XKR9: variants seen among roughly 807,000 people sequenced by gnomAD.
XKR9 encodes XK related 9.
Under a neutral mutation model 32.0 loss-of-function variants are expected in XKR9, and 32 were observed. The ratio of observed to expected loss-of-function variants is 1.00; its 90% CI spans 0.76 to 1.34. XKR9 has a LOEUF of 1.34. Among genes scored for constraint, XKR9 ranks in the 40% most tolerant of loss-of-function variants. The pLI, the probability that XKR9 is intolerant of heterozygous loss-of-function variation, is 0.00. For synonymous variants in XKR9, 168 were observed against 143.4 expected (o/e 1.17, Z -1.22); for missense variants, 546 against 429.7 (o/e 1.27, Z -2.39).
the XKR9 span, among the ~76,000 whole-genome samples, chr8:70,876,931 GATA>G: frequency 6.6e-6 from 1 of 152,068 alleles, no homozygotes. Flanking sequence ...TGTAAAAAAT[GATA>G]ATAAACATAA....
chr8:71,027,941 A>C, the XKR9 span, among the ~76,000 whole-genome samples: 1 of 151,926 alleles, frequency 6.6e-6, no homozygotes, highest in Non-Finnish European at 1.5e-5. Context: ...AGCTAATTAA[A>C]AAAAATTTTT....
chr8:70,921,531 C>A, the XKR9 span, among the ~76,000 whole-genome samples: 3 of 152,092 alleles, frequency 2.0e-5, no homozygotes, highest in African/African-American at 7.2e-5. Flanking sequence ...ACTTAATATC[C>A]AGCTCATTTC....
chr8:70,817,307 T>C, the XKR9 span, among the ~76,000 whole-genome samples: 1 of 152,258 alleles, frequency 6.6e-6, no homozygotes, highest in African/African-American at 2.4e-5. Flanking sequence ...GCATAAAAAT[T>C]AGTAACATTT....
the XKR9 span, among the ~76,000 whole-genome samples, chr8:70,991,528 G>A: frequency 6.6e-6 from 1 of 152,174 alleles, no homozygotes; most frequent in Non-Finnish European, 1.5e-5. Flanking sequence ...GAAACCAGGT[G>A]TCTTGATTTA....
the XKR9 span, among the ~76,000 whole-genome samples, chr8:71,050,266 G>T: frequency 0.056 from 5,445 of 97,600 alleles, 189 homozygotes; most frequent in African/African-American, 0.11. Flanking sequence ...TATATAGATA[G>T]ATAGATAGAT....
the XKR9 span, among the ~76,000 whole-genome samples, chr8:71,040,402 C>T: frequency 2.6e-5 from 4 of 152,152 alleles, no homozygotes; most frequent in Non-Finnish European, 5.9e-5. Context: ...GGTTAAATAT[C>T]AGCAATTTTG....
rs545970026 is a variant in XKR9 at position 70,746,455 on chromosome 8, CAT to C, written n.352+39306_352+39307del. On this transcript the variant is annotated intron_variant and non_coding_transcript_variant, in intron 2 of 3. Transcript: ENST00000520273. ...ATATAGAAATATATAATGTATAAAA[CAT>C]ATAAAATATAATTATATATTATAAT... Among the ~76,000 whole-genome samples the C allele has an allele frequency of 3.0e-3, 444 of 146,566 alleles. 2 individuals carry two copies. Among genetic ancestry groups the C allele is most frequent in the African/African-American group, 5.7e-3 (230 of 40,308 alleles).
chr8:70,992,152 G>C, the XKR9 span, among the ~76,000 whole-genome samples: 1 of 152,170 alleles, frequency 6.6e-6, no homozygotes, highest in Non-Finnish European at 1.5e-5. Context: ...AGCTAGAGTT[G>C]ATAGAGTTGC....
At chr8:70,922,930 C>G in the XKR9 span, among the ~76,000 whole-genome samples, 1 of 152,296 alleles carries the variant, frequency 6.6e-6, no homozygotes, top group Admixed American at 6.5e-5. Flanking sequence ...GTGATGCTGC[C>G]GACGGGGCTC....
At chr8:70,726,343 G>A (rs903472640) in intron 4 of XKR9, among the ~76,000 whole-genome samples, 5 of 152,144 alleles carry the variant, frequency 3.3e-5, no homozygotes, top group Admixed American at 1.3e-4. Flanking sequence ...AATTTTGTTC[G>A]TGCCTGAATT....
rs139227120 is a variant in XKR9 at position 70,761,900 on chromosome 8, A to ATT, written n.353-27431_353-27430dup. ...GGTGTCAGGAAGGGGTCCAGTTTCA[A>ATT]TTTTTTTTTGCATATGGCTAGCCAG... is the stretch of plus-strand genomic sequence containing the variant. On this transcript the variant is annotated intron_variant and non_coding_transcript_variant, in intron 2 of 3. Transcript: ENST00000520273. 1.9e-3 allele frequency among the ~76,000 whole-genome samples: 283 copies of ATT among 150,948 alleles called. 2 individuals carry two copies. Among genetic ancestry groups the ATT allele is most frequent in the African/African-American group, 6.4e-3 (265 of 41,132 alleles).
chr8:71,024,877 A>C, the XKR9 span, among the ~76,000 whole-genome samples: 1 of 152,124 alleles, frequency 6.6e-6, no homozygotes, highest in African/African-American at 2.4e-5. Context: ...TTCTATTTGA[A>C]GTATGATTAT....
chr8:70,817,012 T>G, the XKR9 span, among the ~76,000 whole-genome samples: 1 of 151,986 alleles, frequency 6.6e-6, no homozygotes, highest in Non-Finnish European at 1.5e-5. Flanking sequence ...ACAGCCAACA[T>G]CAAGAGAAAG....
At chr8:70,744,705 G>C (rs374599589) in intron 2 of XKR9, among the ~76,000 whole-genome samples, 1 of 152,142 alleles carries the variant, frequency 6.6e-6, no homozygotes, top group African/African-American at 2.4e-5. Context: ...TCCTGGGTTC[G>C]CGTGATTCTT....
chr8:70,780,809 G>T (rs1807605268), intron 2 of XKR9: 1 of 152,016 alleles, frequency 6.6e-6, no homozygotes, highest in Admixed American at 6.6e-5. Flanking sequence ...TTAATTCACT[G>T]GTGCCTGCAT....
the XKR9 span, among the ~76,000 whole-genome samples, chr8:71,006,864 T>G: frequency 6.6e-6 from 1 of 152,182 alleles, no homozygotes; most frequent in Non-Finnish European, 1.5e-5. Flanking sequence ...TTTTAGACAC[T>G]AAGAAAATTC....
the XKR9 span, among the ~76,000 whole-genome samples, chr8:70,819,399 A>G: frequency 6.6e-6 from 1 of 152,236 alleles, no homozygotes; most frequent in African/African-American, 2.4e-5. Context: ...TTACTAACAT[A>G]TAAAAATTTC....
At chr8:70,767,493 C>CTT (rs1807393967) in intron 2 of XKR9, among the ~76,000 whole-genome samples, 1 of 115,964 alleles carries the variant, frequency 8.6e-6, no homozygotes, top group African/African-American at 3.1e-5. Context: ...CTCTCTTTTC[C>CTT]TTCTTTTTTT....
At chr8:71,029,539 A>G in the XKR9 span, among the ~76,000 whole-genome samples, 1 of 152,208 alleles carries the variant, frequency 6.6e-6, no homozygotes. Context: ...TTGCCAGTAG[A>G]GCAAAGGTAT....
Sources: gnomAD v4.1 joint callset for allele counts (sites outside exome capture counted in the v4.1 genomes callset) on GRCh38, gnomAD v4.1.1 for gene constraint, MANE v1.5 for transcripts, NCBI Gene and HGNC (gene_info 2026-07-23, HGNC 2026-07-21) for gene names.